Variants in TMTC1 observed in about 807,000 individuals in gnomAD.
TMTC1 encodes the protein protein O-mannosyl-transferase TMTC1.
A neutral mutation model predicts 104.8 loss-of-function variants in TMTC1; 73 were observed. The ratio of observed to expected loss-of-function variants is 0.70; its 90% CI spans 0.58 to 0.85. The LOEUF is 0.85. Ranked by LOEUF, TMTC1 falls within the 40% of genes least tolerant of loss-of-function variation. TMTC1 has a pLI of 0.00. For synonymous variants in TMTC1, 434 were observed against 428.7 expected (o/e 1.01, Z -0.15); for missense variants, 1,035 against 1,096.1 (o/e 0.94, Z 0.79).
chr12:29,576,277 T>C (rs890445779), intron 8 of TMTC1, among the ~76,000 whole-genome samples: 3 of 152,196 alleles, frequency 2.0e-5, no homozygotes, highest in Non-Finnish European at 2.9e-5. Context: ...TGTGTATTTG[T>C]GATTTTGCTG....
chr12:29,695,405 C>G (rs1265007176), intron 5 of TMTC1, among the ~76,000 whole-genome samples: 1 of 152,064 alleles, frequency 6.6e-6, no homozygotes, highest in Non-Finnish European at 1.5e-5. Context: ...CTCCCTGGTT[C>G]AAGCGATTCT....
intron 6 of TMTC1, among the ~76,000 whole-genome samples, chr12:29,612,432 A>G (rs1051434120): frequency 4.6e-5 from 7 of 152,124 alleles, no homozygotes; most frequent in African/African-American, 1.7e-4. Flanking sequence ...TTTTTGAGAC[A>G]GGGTCTTGCT....
In TMTC1 at chr12:29,502,660, C is replaced by CCT. The variant is rs1223312914; in HGVS notation, c.*4185_*4186insAG. 1.3e-5 allele frequency: 2 copies of CCT among 152,166 alleles called. No homozygotes were observed. Among genetic ancestry groups the CCT allele is most frequent in the African/African-American group, 2.4e-5 (1 of 41,432 alleles). 9.4% of individuals were successfully genotyped at this position (152,166 alleles called of 1,614,324 possible). A position where few individuals can be genotyped will look rare whatever the true frequency, so the allele number is the denominator to read the frequency against. On this transcript the variant is annotated 3_prime_UTR_variant, in exon 18 of 18. Transcript: ENST00000539277. ...TGATAGCCTCAACCAACCAATTGTG[C>CCT]CATACATCATTGTTAAGACTTCTTT...
chr12:29,766,348 C>T (rs1943463597), intron 2 of TMTC1, among the ~76,000 whole-genome samples: 1 of 152,214 alleles, frequency 6.6e-6, no homozygotes, highest in South Asian at 2.1e-4. Flanking sequence ...CTTCTTGTGT[C>T]CATTCAAATA....
At chr12:29,531,224 G>A (rs757326168) in intron 11 of TMTC1, among the ~76,000 whole-genome samples, 9 of 152,074 alleles carry the variant, frequency 5.9e-5, no homozygotes, top group Non-Finnish European at 8.8e-5. Context: ...AAATTCTTAA[G>A]TTAGGGTCTT....
At chr12:29,683,305 T>C (rs1180692391) in intron 5 of TMTC1, among the ~76,000 whole-genome samples, 1 of 152,100 alleles carries the variant, frequency 6.6e-6, no homozygotes, top group Non-Finnish European at 1.5e-5. Flanking sequence ...ACTCTGACTT[T>C]TAAAAAGCAA....
intron 5 of TMTC1, among the ~76,000 whole-genome samples, chr12:29,728,614 G>A (rs1350303679): frequency 2.6e-5 from 4 of 152,010 alleles, no homozygotes; most frequent in Non-Finnish European, 5.9e-5. Context: ...TGGTAGAAAC[G>A]CTGACTCTCA....
At chr12:29,562,707 G>A (rs1005112106) in intron 9 of TMTC1, among the ~76,000 whole-genome samples, 6 of 152,126 alleles carry the variant, frequency 3.9e-5, no homozygotes, top group African/African-American at 7.2e-5. Context: ...CTTTAAAAAC[G>A]TAAGCTTAAT....
intron 4 of TMTC1, among the ~76,000 whole-genome samples, chr12:29,755,505 C>T (rs1465543101): frequency 6.6e-6 from 1 of 152,214 alleles, no homozygotes; most frequent in Non-Finnish European, 1.5e-5. Context: ...ATAGTCCTCA[C>T]TGATTTATAC....
intron 5 of TMTC1, among the ~76,000 whole-genome samples, chr12:29,742,256 T>C (rs1237369923): frequency 6.6e-6 from 1 of 152,202 alleles, no homozygotes; most frequent in African/African-American, 2.4e-5. Flanking sequence ...TGTTTGGGTT[T>C]GATTGTATTA....
chr12:29,770,148 G>GA lies in TMTC1; in HGVS notation c.303-2074dup, dbSNP rs753067492. ...AATAATAGCACCATTTCTTTAAAAA[G>GA]AAAAAAAAAGGCTTATTTTTGCAAA... On this transcript the variant is annotated intron_variant, in intron 1 of 17. Coordinates refer to ENST00000539277, the MANE Select transcript of TMTC1 (RefSeq NM_001193451.2). Among the ~76,000 whole-genome samples, 918 of 146,924 alleles carry GA rather than the reference G, an allele frequency of 6.2e-3. 11 individuals are homozygous for GA. The highest frequency in any genetic ancestry group is 0.02 in the African/African-American group (816 of 40,016).
chr12:29,738,359 T>C (rs985412605), intron 5 of TMTC1, among the ~76,000 whole-genome samples: 1 of 152,212 alleles, frequency 6.6e-6, no homozygotes, highest in South Asian at 2.1e-4. Flanking sequence ...CTAGTCAACA[T>C]ACTATTTTCC....
At chr12:29,523,117 T>C (rs1056859675) in intron 11 of TMTC1, among the ~76,000 whole-genome samples, 2 of 152,250 alleles carry the variant, frequency 1.3e-5, no homozygotes, top group African/African-American at 4.8e-5. Flanking sequence ...TTTGTCCATC[T>C]GTTCATCCAT....
At chr12:29,760,586 T>C (rs74082513) in intron 2 of TMTC1, among the ~76,000 whole-genome samples, 3,089 of 152,230 alleles carry the variant, frequency 0.02, 101 homozygotes, top group African/African-American at 0.068. Flanking sequence ...CAAATTAAAA[T>C]CACCATTCCT....
intron 2 of TMTC1, among the ~76,000 whole-genome samples, chr12:29,763,741 G>C (rs1943403601): frequency 6.6e-6 from 1 of 152,206 alleles, no homozygotes; most frequent in Admixed American, 6.5e-5. Flanking sequence ...GAGGATTTCA[G>C]GAAGCTCAAG....
intron 5 of TMTC1, among the ~76,000 whole-genome samples, chr12:29,744,561 C>A (rs1294923843): frequency 6.6e-6 from 1 of 152,218 alleles, no homozygotes; most frequent in Admixed American, 6.5e-5. Flanking sequence ...AGTTCAGGAA[C>A]CAATGTGGAG....
At chr12:29,565,556 A>G (rs59175606) in intron 9 of TMTC1, among the ~76,000 whole-genome samples, 7,387 of 152,292 alleles carry the variant, frequency 0.049, 602 homozygotes, top group African/African-American at 0.17. Context: ...CTTTAAAAAC[A>G]CAGTATAAGG....
chr12:29,666,493 A>G (rs1224458907), intron 5 of TMTC1, among the ~76,000 whole-genome samples: 2 of 151,506 alleles, frequency 1.3e-5, no homozygotes, highest in Non-Finnish European at 2.9e-5. Flanking sequence ...TCTGCCTCCC[A>G]AAGTGCTGGG....
chr12:29,765,003 A>C (rs1453081872), intron 2 of TMTC1, among the ~76,000 whole-genome samples: 1 of 152,162 alleles, frequency 6.6e-6, no homozygotes, highest in Non-Finnish European at 1.5e-5. Flanking sequence ...ATTGTCCCCA[A>C]TATGCTCTAA....
Sources: gnomAD v4.1 joint callset for allele counts (sites outside exome capture counted in the v4.1 genomes callset) on GRCh38, gnomAD v4.1.1 for gene constraint, MANE v1.5 for transcripts, NCBI Gene and HGNC (gene_info 2026-07-23, HGNC 2026-07-21) for gene names.